ZNF599: variants seen among roughly 807,000 people sequenced by gnomAD.
The protein encoded by ZNF599 is zinc finger protein 599.
Under a neutral mutation model 11.7 loss-of-function variants are expected in ZNF599, and 10 were observed. That is an observed-to-expected ratio of 0.86 (90% CI 0.53 to 1.45). ZNF599 has a LOEUF of 1.45. Among genes scored for constraint, ZNF599 ranks in the 40% most tolerant of loss-of-function variants. The probability of loss-of-function intolerance (pLI) is 0.00; values close to 1 mark genes in which losing one functional copy is unlikely to be tolerated. For synonymous variants in ZNF599, 232 were observed against 253.2 expected (o/e 0.92, Z 0.79); for missense variants, 688 against 713.6 (o/e 0.96, Z 0.41).
intron 1 of ZNF599, among the ~76,000 whole-genome samples, chr19:34,770,206 C>A: frequency 6.6e-6 from 1 of 152,224 alleles, no homozygotes; most frequent in East Asian, 1.9e-4. Flanking sequence ...TAAATGTCAT[C>A]ATCTCCATTT....
At chr19:34,788,976 C>A in the ZNF599 span, among the ~76,000 whole-genome samples, 1 of 152,166 alleles carries the variant, frequency 6.6e-6, no homozygotes, top group African/African-American at 2.4e-5. Context: ...ACCCTCTTAG[C>A]ATTTTTTAAG....
chr19:34,780,205 T>TACTA, the ZNF599 span, among the ~76,000 whole-genome samples: 2 of 152,136 alleles, frequency 1.3e-5, no homozygotes, highest in Non-Finnish European at 2.9e-5. Context: ...GTGCAAAGTG[T>TACTA]CTTTCAAGAG....
the ZNF599 span, chr19:34,788,734 G>A: frequency 6.6e-6 from 1 of 152,142 alleles, no homozygotes; most frequent in Non-Finnish European, 1.5e-5. Context: ...CCACTGTGAA[G>A]TTAAAAAGAT....
At chr19:34,790,974 C>CAATACA in the ZNF599 span, among the ~76,000 whole-genome samples, 1 of 151,926 alleles carries the variant, frequency 6.6e-6, no homozygotes, top group Non-Finnish European at 1.5e-5. Context: ...TGCACAATAC[C>CAATACA]AATACAAATA....
At chr19:34,794,576 CTT>C in the ZNF599 span, among the ~76,000 whole-genome samples, 2 of 142,482 alleles carry the variant, frequency 1.4e-5, no homozygotes, top group African/African-American at 2.6e-5. Flanking sequence ...CTTTTTTTTT[CTT>C]TTTTTTTTTT....
chr19:34,764,963 G>GC (rs2069133008), intron 3 of ZNF599: 2 of 146,442 alleles, frequency 1.4e-5, no homozygotes, highest in Non-Finnish European at 3.0e-5. Context: ...CAAAGAATGA[G>GC]AAGACTTCTC....
At chr19:34,785,176 C>T in the ZNF599 span, among the ~76,000 whole-genome samples, 3 of 152,012 alleles carry the variant, frequency 2.0e-5, no homozygotes, top group Non-Finnish European at 4.4e-5. Context: ...GCTGCTAAGC[C>T]AAAAACCTGG....
chr19:34,790,671 C>A, the ZNF599 span, among the ~76,000 whole-genome samples: 1 of 152,092 alleles, frequency 6.6e-6, no homozygotes, highest in Non-Finnish European at 1.5e-5. Context: ...AGGAGGAATA[C>A]ATTTTAGTAA....
At chr19:34,762,974 AT>A (rs2069121166) in intron 3 of ZNF599, 1 of 152,224 alleles carries the variant, frequency 6.6e-6, no homozygotes, top group Non-Finnish European at 1.5e-5. Flanking sequence ...AAGTAGGCAA[AT>A]ATTTTACATT....
Position 34,770,675 on chromosome 19 carries a change from T to C in ZNF599, c.19-1120A>G, listed in dbSNP as rs2069177615. Among the ~76,000 whole-genome samples, 3 of 152,364 alleles carry C rather than the reference T, an allele frequency of 2.0e-5. No homozygotes were observed. In the South Asian group the frequency reaches 6.2e-4, roughly 32 times the overall value. ...ACAAGTGGCCAAGGGCAATGCAGGCTGTGGCTCTAAGAACCTGGCAGCTGC... is the reference window on the plus strand; with the variant it reads ...ACAAGTGGCCAAGGGCAATGCAGGCCGTGGCTCTAAGAACCTGGCAGCTGC... On this transcript the variant is annotated intron_variant, in intron 1 of 3. Coordinates refer to ENST00000329285, the MANE Select transcript of ZNF599 (RefSeq NM_001007248.3).
At chr19:34,807,335 T>G in the ZNF599 span, among the ~76,000 whole-genome samples, 2 of 152,114 alleles carry the variant, frequency 1.3e-5, no homozygotes. Context: ...GCCACCGTGA[T>G]GCGAGCCTGT....
rs1337667701 is a variant in ZNF599 at position 34,772,832 on chromosome 19, G to C, written c.10C>G (p.Pro4Ala). Reference protein sequence around the residue: MAAPALALVSFEDV... With the variant: MAAAALALVSFEDV... ...CGGAACCCTCCACTCACCAACGCCG[G>C]CGCCGCCATGGGCCCAGGGGGCTGG... The change falls in exon 1 of 4, where the codon CCG becomes GCG. Residue 4 changes from proline to alanine, a missense_variant. Pro to Ala is a conservative substitution (Grantham distance 27). Transcript: ENST00000329285. 23 of 1,521,352 alleles carry C rather than the reference G, an allele frequency of 1.5e-5. No homozygotes were observed. The highest frequency in any genetic ancestry group is 1.9e-5 in the Non-Finnish European group (22 of 1,138,070). The allele number at this position is 1,521,352 out of a possible 1,614,324, so 94.2% of individuals were successfully genotyped here. A position where few individuals can be genotyped will look rare whatever the true frequency, so the allele number is the denominator to read the frequency against.
the ZNF599 span, chr19:34,779,874 G>T: frequency 5.9e-6 from 1 of 169,482 alleles, no homozygotes; most frequent in Non-Finnish European, 1.3e-5. Flanking sequence ...TGACTGCATT[G>T]GTAATGCCTT....
chr19:34,798,625 A>G, the ZNF599 span, among the ~76,000 whole-genome samples: 2 of 152,158 alleles, frequency 1.3e-5, no homozygotes, highest in African/African-American at 4.8e-5. Flanking sequence ...TTTGTAGTTC[A>G]TTTTGCCTTT....
chr19:34,779,136 G>A, the ZNF599 span, among the ~76,000 whole-genome samples: 16 of 151,746 alleles, frequency 1.1e-4, no homozygotes, highest in Admixed American at 7.2e-4. Flanking sequence ...ACCCAGGTTG[G>A]AGTGCAATGG....
the ZNF599 span, among the ~76,000 whole-genome samples, chr19:34,785,371 G>A: frequency 5.7e-3 from 865 of 152,238 alleles, 5 homozygotes; most frequent in Admixed American, 0.01. Flanking sequence ...TGCCTCTACA[G>A]CCTGCTCTCC....
Position 34,760,033 on chromosome 19 carries a change from C to G in ZNF599, c.768G>C (p.Lys256Asn). ...TGAAGGCTTTCCCACACTCAATACACTTGTATGGTTTTTCCCCAGTATGAA... is the reference window on the plus strand; with the variant it reads ...TGAAGGCTTTCCCACACTCAATACAGTTGTATGGTTTTTCCCCAGTATGAA... ...MRLHTGEKPYKCIECGKAFKR... is the reference protein window; with the variant it reads ...MRLHTGEKPYNCIECGKAFKR... The change falls in exon 4 of 4, where the codon AAG becomes AAC. Residue 256 changes from lysine (K) to asparagine (N), a missense_variant. Lys to Asn is a moderately conservative substitution (Grantham distance 94). Coordinates refer to ENST00000329285, the MANE Select transcript of ZNF599 (RefSeq NM_001007248.3). The G allele has an allele frequency of 3.7e-6, 6 of 1,614,074 alleles. No individual in the cohort carries two copies. The highest frequency in any genetic ancestry group is 5.1e-6 in the Non-Finnish European group (6 of 1,180,010).
Position 34,773,101 on chromosome 19 carries a change from C to T in ZNF599, c.-260G>A. On this transcript the variant is annotated 5_prime_UTR_variant, in exon 1 of 4. Transcript: ENST00000329285. The stretch of plus-strand genomic sequence containing the variant: ...AAGCGTGTAAGTGGGTCCTATCCTC[C>T]TCACTGTCCGTCTCTACTCGGTCTC... 2.2e-6 allele frequency: 1 copy of T among 463,718 alleles called. No individual in the cohort carries two copies. The highest frequency in any genetic ancestry group is 3.8e-6 in the Non-Finnish European group (1 of 264,466). 28.7% of individuals were successfully genotyped at this position (463,718 alleles called of 1,614,324 possible).
chr19:34,768,603 C>T (rs1296617526), intron 2 of ZNF599, among the ~76,000 whole-genome samples: 3 of 152,170 alleles, frequency 2.0e-5, no homozygotes, highest in African/African-American at 7.2e-5. Flanking sequence ...ATGTTTCCAG[C>T]TCTATTCTAA....
Sources: gnomAD v4.1 joint callset for allele counts (sites outside exome capture counted in the v4.1 genomes callset) on GRCh38, gnomAD v4.1.1 for gene constraint, MANE v1.5 for transcripts, NCBI Gene and HGNC (gene_info 2026-07-23, HGNC 2026-07-21) for gene names.